The following RBPJ variants were observed in gnomAD, a reference collection of about 807,000 sequenced individuals.
The protein encoded by RBPJ is recombination signal binding protein for immunoglobulin kappa J region.
A neutral mutation model predicts 67.8 loss-of-function variants in RBPJ; 9 were observed. The observed-to-expected ratio is 0.13, with a 90% CI of 0.08 to 0.23. The LOEUF is 0.23. Ranked by LOEUF, RBPJ falls within the 10% of genes least tolerant of loss-of-function variation. RBPJ has a pLI of 1.00. For missense variants in RBPJ, 305 were observed against 595.6 expected, an observed-to-expected ratio of 0.51 and a Z score of 5.08; for synonymous variants, 198 against 203.3, an observed-to-expected ratio of 0.97 and a Z score of 0.22.
intron 1 of RBPJ, among the ~76,000 whole-genome samples, chr4:26,167,939 A>G (rs1367266802): frequency 2.0e-5 from 3 of 151,822 alleles, no homozygotes; most frequent in South Asian, 4.2e-4. Context: ...ATCTTCCTCC[A>G]TCCTTTTATT....
At chr4:26,406,006 A>C (rs975195669) in intron 2 of RBPJ, among the ~76,000 whole-genome samples, 169 bp from the exon 3 acceptor site, 1 of 152,190 alleles carries the variant, frequency 6.6e-6, no homozygotes, top group African/African-American at 2.4e-5. Context: ...TCATTGTATA[A>C]TCTTCCAATT....
the RBPJ span, among the ~76,000 whole-genome samples, chr4:26,106,519 T>C: frequency 3.3e-5 from 5 of 152,350 alleles, no homozygotes; most frequent in Admixed American, 3.3e-4. Flanking sequence ...TGTTGTTGTC[T>C]GTGTATCCCA....
At chr4:26,269,681 A>G (rs1720816499) in intron 1 of RBPJ, among the ~76,000 whole-genome samples, 1 of 152,188 alleles carries the variant, frequency 6.6e-6, no homozygotes, top group Admixed American at 6.5e-5. Flanking sequence ...TTACAGCCTC[A>G]GCCCTTTAAG....
intron 1 of RBPJ, among the ~76,000 whole-genome samples, chr4:26,378,833 C>T (rs544084357): frequency 6.6e-6 from 1 of 152,100 alleles, no homozygotes; most frequent in Non-Finnish European, 1.5e-5. Flanking sequence ...TCAAGACCAG[C>T]CTGGCAAATA....
chr4:26,159,263 T>C (rs111550035), upstream of RBPJ, among the ~76,000 whole-genome samples: 1,898 of 152,284 alleles, frequency 0.012, 45 homozygotes, highest in African/African-American at 0.043. Flanking sequence ...AATGGAGGCC[T>C]GGAAAGGTGA....
chr4:26,320,663 C>T, upstream of RBPJ: 1 of 1,440,666 alleles, frequency 6.9e-7, no homozygotes, highest in Non-Finnish European at 9.3e-7. Context: ...CCCCTCCATT[C>T]CTCGTCCCCG....
At chr4:26,161,196 G>A (rs978509357), upstream of RBPJ, among the ~76,000 whole-genome samples, 4 of 152,170 alleles carry the variant, frequency 2.6e-5, no homozygotes, top group African/African-American at 4.8e-5. Context: ...TAATCACTAT[G>A]TGATCAAGCT....
At chr4:26,416,120 A>G (rs915921467) in intron 4 of RBPJ, among the ~76,000 whole-genome samples, 8 of 152,230 alleles carry the variant, frequency 5.3e-5, no homozygotes, top group African/African-American at 1.9e-4. Context: ...GTGATACTGT[A>G]GACAAGAACA....
the RBPJ span, among the ~76,000 whole-genome samples, chr4:26,142,790 G>A: frequency 6.6e-6 from 1 of 151,708 alleles, no homozygotes; most frequent in African/African-American, 2.4e-5. Context: ...GTGTGTGTGA[G>A]AGAGAGAGAG....
chr4:26,147,115 C>T, the RBPJ span, among the ~76,000 whole-genome samples: 1 of 152,194 alleles, frequency 6.6e-6, no homozygotes, highest in African/African-American at 2.4e-5. Context: ...GAATCAGACA[C>T]GTGTGTGAGT....
intron 1 of RBPJ, among the ~76,000 whole-genome samples, chr4:26,207,645 C>G (rs78506334): frequency 0.025 from 3,866 of 152,266 alleles, 165 homozygotes; most frequent in African/African-American, 0.088. Context: ...GGGGTACATC[C>G]CTGAATACAA....
At chr4:26,303,846 T>C (rs1262527609) in intron 1 of RBPJ, among the ~76,000 whole-genome samples, 1 of 152,190 alleles carries the variant, frequency 6.6e-6, no homozygotes, top group East Asian at 1.9e-4. Flanking sequence ...TTTTTTCTGC[T>C]CTCTCTCCTG....
intron 1 of RBPJ, among the ~76,000 whole-genome samples, chr4:26,224,653 C>T (rs1482523130): frequency 4.0e-5 from 6 of 151,494 alleles, no homozygotes; most frequent in Non-Finnish European, 7.4e-5. Flanking sequence ...CCACCGCACC[C>T]TGCCCAGAAC....
intron 1 of RBPJ, among the ~76,000 whole-genome samples, chr4:26,255,233 T>C (rs1390183276): frequency 5.2e-5 from 7 of 135,408 alleles, no homozygotes; most frequent in African/African-American, 2.1e-4. Flanking sequence ...TGAGACCCCG[T>C]CTCTACTAAA....
chr4:26,124,457 T>TATATAC, the RBPJ span, among the ~76,000 whole-genome samples: 1 of 121,338 alleles, frequency 8.2e-6, no homozygotes, highest in Non-Finnish European at 1.8e-5. Context: ...TATATATATA[T>TATATAC]ATATACCAGT....
intron 1 of RBPJ, among the ~76,000 whole-genome samples, chr4:26,200,901 G>A (rs1463986809): frequency 6.6e-6 from 1 of 152,000 alleles, no homozygotes; most frequent in African/African-American, 2.4e-5. Context: ...TTGTTTACCT[G>A]ACACTACCTA....
chr4:26,325,030 G>A (rs1243542666), intron 1 of RBPJ, among the ~76,000 whole-genome samples: 1 of 152,110 alleles, frequency 6.6e-6, no homozygotes, highest in Non-Finnish European at 1.5e-5. Context: ...TTGCATTTGA[G>A]GAGCACTCTG....
At chr4:26,228,391 C>G (rs1719152436) in intron 1 of RBPJ, among the ~76,000 whole-genome samples, 1 of 152,196 alleles carries the variant, frequency 6.6e-6, no homozygotes, top group African/African-American at 2.4e-5. Context: ...CACACATAGA[C>G]ACACAAGGCA....
intron 1 of RBPJ, among the ~76,000 whole-genome samples, chr4:26,193,706 C>T (rs896088419): frequency 2.6e-5 from 4 of 152,162 alleles, no homozygotes; most frequent in Admixed American, 6.5e-5. Context: ...TCACACAGCT[C>T]AAGCTTCACA....
Sources: allele counts gnomAD v4.1 joint callset (sites outside exome capture counted in the v4.1 genomes callset), GRCh38; gene constraint gnomAD v4.1.1; transcripts MANE v1.5; gene names NCBI Gene and HGNC (gene_info 2026-07-23, HGNC 2026-07-21).